RAD51B: variants seen among roughly 807,000 people sequenced by gnomAD.
The protein encoded by RAD51B is RAD51 paralog B.
Under a neutral mutation model 42.2 loss-of-function variants are expected in RAD51B, and 38 were observed. The ratio of observed to expected loss-of-function variants is 0.90; its 90% CI spans 0.70 to 1.18. The LOEUF (loss-of-function observed/expected upper bound fraction) is 1.18. RAD51B is among the 50% of genes most tolerant of loss of function. The pLI, the probability that RAD51B is intolerant of heterozygous loss-of-function variation, is 0.00. For synonymous variants in RAD51B, 154 were observed against 145.2 expected, an observed-to-expected ratio of 1.06 and a Z score of -0.43; for missense variants, 373 against 400.7, an observed-to-expected ratio of 0.93 and a Z score of 0.59.
intron 7 of RAD51B, among the ~76,000 whole-genome samples, chr14:68,035,874 G>A (rs771965850): frequency 4.6e-5 from 7 of 152,156 alleles, no homozygotes; most frequent in Non-Finnish European, 8.8e-5. Context: ...TATTCTAGTT[G>A]TCTCTTATCT....
At chr14:68,221,958 TCAGGGAAA>T (rs2079937697) in intron 7 of RAD51B, among the ~76,000 whole-genome samples, 1 of 152,154 alleles carries the variant, frequency 6.6e-6, no homozygotes, top group African/African-American at 2.4e-5. Flanking sequence ...CCACTAATTA[TCAGGGAAA>T]TGCAAATCAA....
chr14:67,926,557 C>A (rs1394067254), intron 7 of RAD51B, among the ~76,000 whole-genome samples: 5 of 123,812 alleles, frequency 4.0e-5, no homozygotes, highest in African/African-American at 1.6e-4. Context: ...GGATATGTTT[C>A]CTTTTTTTTT....
At chr14:68,181,571 C>G (rs1469328912) in intron 7 of RAD51B, among the ~76,000 whole-genome samples, 1 of 152,210 alleles carries the variant, frequency 6.6e-6, no homozygotes, top group African/African-American at 2.4e-5. Flanking sequence ...CAGCCTGCCC[C>G]CTCCAGTAGT....
At position 67,976,780 on chromosome 14, in the gene RAD51B, C is replaced by T. The variant is rs183489599; in HGVS notation, c.756+89576C>T. Among the ~76,000 whole-genome samples, 600 of 152,212 alleles carry T rather than the reference C, an allele frequency of 3.9e-3. 2 individuals are homozygous for T. The highest frequency in any genetic ancestry group is 0.014 in the African/African-American group (565 of 41,546). On this transcript the variant is annotated intron_variant, in intron 7 of 10. Coordinates refer to ENST00000471583, the MANE Select transcript of RAD51B (RefSeq NM_133510.4). ...AACTACCATCAGAGTGAACAGGCAT[C>T]GTACAGAATGGGAGAAAATTTTTGC... is the stretch of plus-strand genomic sequence containing the variant.
At chr14:68,431,304 T>A (rs1378150841) in intron 9 of RAD51B, among the ~76,000 whole-genome samples, 7 of 152,220 alleles carry the variant, frequency 4.6e-5, no homozygotes, top group Non-Finnish European at 1.0e-4. Flanking sequence ...TTCTATTGAT[T>A]GGAATAGTTT....
At chr14:68,429,239 C>G (rs930063750) in intron 9 of RAD51B, among the ~76,000 whole-genome samples, 2 of 152,080 alleles carry the variant, frequency 1.3e-5, no homozygotes, top group Admixed American at 6.6e-5. Flanking sequence ...CTTTATAGCA[C>G]CATGATTTAT....
intron 8 of RAD51B, among the ~76,000 whole-genome samples, chr14:68,379,993 G>A (rs1004892833): frequency 6.6e-6 from 1 of 152,180 alleles, no homozygotes; most frequent in African/African-American, 2.4e-5. Flanking sequence ...CGATTGCATT[G>A]TGTATAAAAG....
intron 7 of RAD51B, among the ~76,000 whole-genome samples, chr14:67,896,753 T>C (rs59429458): frequency 0.015 from 2,233 of 152,328 alleles, 59 homozygotes; most frequent in African/African-American, 0.05. Context: ...TTACATATCC[T>C]TTGCGTTTCT....
intron 7 of RAD51B, among the ~76,000 whole-genome samples, chr14:68,035,300 A>G (rs1415539155): frequency 6.6e-6 from 1 of 152,188 alleles, no homozygotes; most frequent in Non-Finnish European, 1.5e-5. Flanking sequence ...TGTTTTATGT[A>G]TATGCCCAAA....
chr14:67,845,431 G>A (rs890049712), intron 4 of RAD51B, among the ~76,000 whole-genome samples: 3 of 152,160 alleles, frequency 2.0e-5, no homozygotes, highest in African/African-American at 7.2e-5. Context: ...ACTTTGGGAG[G>A]CTGAGGCAGG....
intron 11 of RAD51B, among the ~76,000 whole-genome samples, chr14:68,655,130 A>AGT (rs3077341): frequency 0.043 from 6,424 of 150,292 alleles, 157 homozygotes; most frequent in African/African-American, 0.078. Flanking sequence ...GCAAATGGTG[A>AGT]GTGTGTGTGT....
At chr14:68,089,573 GACCTTT>G (rs754041747) in intron 7 of RAD51B, among the ~76,000 whole-genome samples, 9 of 152,028 alleles carry the variant, frequency 5.9e-5, no homozygotes, top group Admixed American at 1.3e-4. Flanking sequence ...TGCTTCAAAC[GACCTTT>G]TGATGGAACA....
At chr14:67,895,738 C>T (rs1032648126) in intron 7 of RAD51B, among the ~76,000 whole-genome samples, 1 of 151,988 alleles carries the variant, frequency 6.6e-6, no homozygotes, top group African/African-American at 2.4e-5. Flanking sequence ...ATTTAAAGTT[C>T]TCTTCCTTCT....
chr14:68,629,677 C>G (rs1325480987), intron 10 of RAD51B, among the ~76,000 whole-genome samples: 2 of 152,196 alleles, frequency 1.3e-5, no homozygotes, highest in Non-Finnish European at 2.9e-5. Context: ...TGAGGCCTGA[C>G]TGGGAGCCCA....
rs769795944 is a variant in RAD51B at position 68,411,439 on chromosome 14, G to A, written c.869G>A (p.Ser290Asn). Residue 290 changes from serine to asparagine, a missense_variant, in exon 9 of 11, where the codon AGC (serine) becomes AAC (asparagine). Coordinates refer to ENST00000471583, the MANE Select transcript of RAD51B (RefSeq NM_133510.4). ...LSLSEGTSGS[S>N]CVIAALGNTW... ...TTCATTTCAGGCACTTCTGGATCCA[G>A]CTGTGTGATAGCCGCACTAGGAAAT... 9 of 1,613,986 alleles carry A rather than the reference G, an allele frequency of 5.6e-6. No individual in the cohort carries two copies. The highest frequency in any genetic ancestry group is 1.3e-5 in the African/African-American group (1 of 74,936).
chr14:68,611,538 C>A, exon 11 of RAD51B: 1 of 459,094 alleles, frequency 2.2e-6, no homozygotes, highest in Non-Finnish European at 4.0e-6. Flanking sequence ...ATTGCTGAAG[C>A]TTATTAAGCC....
chr14:68,252,117 C>T (rs2080646387), intron 7 of RAD51B, among the ~76,000 whole-genome samples: 1 of 152,202 alleles, frequency 6.6e-6, no homozygotes, highest in Admixed American at 6.5e-5. Flanking sequence ...CTCTTTTAAT[C>T]CTACAGCCTG....
chr14:68,599,022 C>A (rs955491857), downstream of RAD51B, among the ~76,000 whole-genome samples: 1 of 152,184 alleles, frequency 6.6e-6, no homozygotes, highest in Non-Finnish European at 1.5e-5. Flanking sequence ...AACACAGCAG[C>A]ACTTTGGAAA....
At chr14:68,265,619 G>A (rs2080975723) in intron 7 of RAD51B, among the ~76,000 whole-genome samples, 1 of 152,096 alleles carries the variant, frequency 6.6e-6, no homozygotes, top group African/African-American at 2.4e-5. Context: ...GGGCGTGGTG[G>A]CATGTGCCTG....
Sources: gnomAD v4.1 joint callset for allele counts (sites outside exome capture counted in the v4.1 genomes callset) on GRCh38, gnomAD v4.1.1 for gene constraint, MANE v1.5 for transcripts, NCBI Gene and HGNC (gene_info 2026-07-23, HGNC 2026-07-21) for gene names.